The following MROH1 variants were observed in gnomAD, a reference collection of about 807,000 sequenced individuals.
MROH1 encodes maestro heat-like repeat-containing protein family member 1.
MROH1 carries 117 observed loss-of-function variants against 116.5 expected under a neutral mutation model. That is an observed-to-expected ratio of 1.00 (90% CI 0.86 to 1.17). The LOEUF (loss-of-function observed/expected upper bound fraction) is 1.17. MROH1 is among the 50% of genes most tolerant of loss of function. MROH1 has a pLI of 0.00. For synonymous variants in MROH1, 921 were observed against 583.9 expected (o/e 1.58, Z -8.32); for missense variants, 1,873 against 1,338.5 (o/e 1.40, Z -6.23).
intron 14 of MROH1, among the ~76,000 whole-genome samples, chr8:144,226,144 A>C (rs1588328691): frequency 6.6e-6 from 1 of 150,850 alleles, no homozygotes; most frequent in African/African-American, 2.4e-5. Flanking sequence ...CAAACTCCTG[A>C]CCTCAGGTGA....
chr8:144,241,156 G>C, intron 21 of MROH1, 45 bp downstream of exon 21: 2 of 721,626 alleles, frequency 2.8e-6, no homozygotes, highest in Non-Finnish European at 5.1e-6. Flanking sequence ...CCCAGGGCTG[G>C]AGGACGGTGG....
chr8:144,244,500 G>A lies in MROH1; in HGVS notation c.2727G>A (p.Gln909=), dbSNP rs1841548846. 2 of 774,208 alleles carry A rather than the reference G, an allele frequency of 2.6e-6. No homozygotes were observed. Among genetic ancestry groups the A allele is most frequent in the Non-Finnish European group, 4.8e-6 (2 of 415,020 alleles). The allele number at this position is 774,208 out of a possible 1,614,324, so 48.0% of individuals were successfully genotyped here. Residue 909 remains glutamine, a synonymous_variant, in exon 28 of 44, where the codon CAG becomes CAA. Coordinates refer to ENST00000326134, the MANE Select transcript of MROH1 (RefSeq NM_032450.3). ...ALEDLLTSLL[Q]RNMTPQGLQI... ...AGGATCTGCTGACGAGCCTCCTGCA[G>A]CGGAACATGACCCCCCAAGGCCTGC...
intron 1 of MROH1, among the ~76,000 whole-genome samples, chr8:144,149,321 T>G (rs1336464741): frequency 6.6e-6 from 1 of 151,932 alleles, no homozygotes; most frequent in Non-Finnish European, 1.5e-5. Flanking sequence ...GATGTCAGAG[T>G]GGAATGACCT....
chr8:144,153,522 C>G (rs1204883190), intron 1 of MROH1, among the ~76,000 whole-genome samples: 2 of 152,110 alleles, frequency 1.3e-5, no homozygotes, highest in African/African-American at 2.4e-5. Flanking sequence ...GAATAATACT[C>G]CATTGTGATA....
chr8:144,180,630 A>AG lies in MROH1; in HGVS notation c.562+113dup, dbSNP rs766074437. The AG allele has an allele frequency of 4.4e-5, 47 of 1,056,610 alleles. No homozygotes were observed. The highest frequency in any genetic ancestry group is 5.9e-5 in the Non-Finnish European group (44 of 750,054). The allele number at this position is 1,056,610 out of a possible 1,614,324, so 65.5% of individuals were successfully genotyped here. The stretch of plus-strand genomic sequence containing the variant: ...CAGGTGGGCACTTTAGGCTGCAGGA[A>AG]GGGGGGCTGTTGGAGGGAGGGGCCC... On this transcript the variant is annotated intron_variant, in intron 7 of 43. Coordinates refer to ENST00000326134, the MANE Select transcript of MROH1 (RefSeq NM_032450.3). This position sits in a 1 kb window ranked among gnomAD's most constrained non-coding sequence, Gnocchi z 7.4.
intron 29 of MROH1, among the ~76,000 whole-genome samples, 160 bp downstream of exon 29, chr8:144,245,420 A>G (rs898176800): frequency 2.0e-5 from 3 of 152,256 alleles, no homozygotes; most frequent in Admixed American, 6.5e-5. Context: ...AGGAGTTGTC[A>G]GGGATGGCTG....
Position 144,238,778 on chromosome 8 carries a change from G to A in MROH1, c.1361G>A (p.Ser454Asn). ...CAGCCTGAGAAGCCAGGCCCCGGCAGCAAGGACCCCAAGGCCGACAGCGTG... is the reference window on the plus strand; with the variant it reads ...CAGCCTGAGAAGCCAGGCCCCGGCAACAAGGACCCCAAGGCCGACAGCGTG... Reference protein sequence around the residue: ...EQEPEKPGPGSKDPKADSVRA... With the variant: ...EQEPEKPGPGNKDPKADSVRA... Residue 454 changes from serine (S) to asparagine (N), a missense_variant, in exon 15 of 44, where the codon AGC (serine) becomes AAC (asparagine). By Grantham distance (46) the Ser-to-Asn change is conservative. Transcript: ENST00000326134. 1 of 773,722 alleles carries A rather than the reference G, an allele frequency of 1.3e-6. No homozygotes were observed. Among genetic ancestry groups the A allele is most frequent in the Non-Finnish European group, 2.4e-6 (1 of 417,690 alleles). The allele number at this position is 773,722 out of a possible 1,614,324, so 47.9% of individuals were successfully genotyped here.
chr8:144,194,161 T>C (rs796620068), intron 10 of MROH1, among the ~76,000 whole-genome samples: 1 of 152,172 alleles, frequency 6.6e-6, no homozygotes, highest in African/African-American at 2.4e-5. Flanking sequence ...CTCCTGGGTT[T>C]AAGCAATTCT....
chr8:144,250,413 TC>T, intron 33 of MROH1, 47 bp downstream of exon 33: 1 of 726,928 alleles, frequency 1.4e-6, no homozygotes. Flanking sequence ...GGAATGATGC[TC>T]CCCCTGGAAT....
At chr8:144,174,757 A>T (rs866920235) in intron 4 of MROH1, 1 of 864,240 alleles carries the variant, frequency 1.2e-6, no homozygotes, top group Middle Eastern at 6.0e-4. Context: ...TGCTGGGGTT[A>T]CAGGTGTGAG....
intron 16 of MROH1, 48 bp downstream of exon 16, chr8:144,239,227 C>T (rs1416897031): frequency 1.3e-6 from 1 of 759,808 alleles, no homozygotes; most frequent in Non-Finnish European, 2.4e-6. Flanking sequence ...CCCCACTTCC[C>T]CACTCCTGCC....
chr8:144,175,094 C>T, intron 4 of MROH1: 3 of 985,432 alleles, frequency 3.0e-6, no homozygotes, highest in Non-Finnish European at 3.6e-6. Flanking sequence ...GATGTGTTTC[C>T]AAGATCAAGA....
intron 12 of MROH1, among the ~76,000 whole-genome samples, chr8:144,215,067 G>A (rs1337822822): frequency 2.0e-5 from 3 of 152,102 alleles, no homozygotes; most frequent in African/African-American, 7.2e-5. Context: ...TTGAGGATGG[G>A]TCTGCCTTTC....
At position 144,239,733 on chromosome 8, in the gene MROH1, G is replaced by A. The variant is rs1840647870; in HGVS notation, c.1752G>A (p.Pro584=). ...GTCAGCATTGGGAAACGACTGTCCC[G>A]CTGCTGCTGGGGTACCTGGATGGTG... ...LLGQHWETTV[P]LLLGYLDEHT... Residue 584 remains proline, a synonymous_variant, in exon 18 of 44, where the codon CCG becomes CCA. Coordinates refer to ENST00000326134, the MANE Select transcript of MROH1 (RefSeq NM_032450.3). 8 of 718,780 alleles carry A rather than the reference G, an allele frequency of 1.1e-5. No individual in the cohort carries two copies. The highest frequency in any genetic ancestry group is 2.7e-5 in the East Asian group (1 of 37,404). The allele number at this position is 718,780 out of a possible 1,614,324, so 44.5% of individuals were successfully genotyped here. A position where few individuals can be genotyped will look rare whatever the true frequency, so the allele number is the denominator to read the frequency against.
At chr8:144,159,017 A>G (rs1387247529) in intron 1 of MROH1, among the ~76,000 whole-genome samples, 1 of 152,152 alleles carries the variant, frequency 6.6e-6, no homozygotes, top group Non-Finnish European at 1.5e-5. Flanking sequence ...CCAAGATTAC[A>G]GGTATGAGCC....
chr8:144,255,068 G>A (rs1197391362), intron 34 of MROH1, 90 bp downstream of exon 34: 33 of 652,956 alleles, frequency 5.1e-5, no homozygotes, highest in Admixed American at 1.4e-4. Flanking sequence ...GAGGTGGCCC[G>A]GACGCCACCC....
rs1034260613 is a variant in MROH1 at position 144,259,312 on chromosome 8, G to A, written c.4002G>A (p.Ala1334=). The A allele has an allele frequency of 4.3e-5, 31 of 715,122 alleles. No individual in the cohort carries two copies. The highest frequency in any genetic ancestry group is 6.5e-5 in the Non-Finnish European group (25 of 384,882). 44.3% of individuals were successfully genotyped at this position (715,122 alleles called of 1,614,324 possible). The change falls in exon 37 of 44, where the codon GCG becomes GCA. Residue 1334 remains alanine (A), a synonymous_variant. Coordinates refer to ENST00000326134, the MANE Select transcript of MROH1 (RefSeq NM_032450.3). ...CGCTGGCATGCACACACAGCAGTGC[G>A]TATGAGAACCAGAGGGTGACCACCA... ...LKTLACTHSS[A]YENQRVTTTA...
At chr8:144,172,356 C>T (rs527971652) in intron 4 of MROH1, among the ~76,000 whole-genome samples, 2 of 152,104 alleles carry the variant, frequency 1.3e-5, no homozygotes, top group African/African-American at 4.8e-5. Context: ...CCCTTTAATT[C>T]AGGCGTTTCT....
At chr8:144,223,591 CAG>C (rs1203801703) in intron 14 of MROH1, among the ~76,000 whole-genome samples, 1 of 152,128 alleles carries the variant, frequency 6.6e-6, no homozygotes, top group African/African-American at 2.4e-5. Flanking sequence ...TCCCAGGACT[CAG>C]AACGCAGAAG....
Sources: allele counts gnomAD v4.1 joint callset (sites outside exome capture counted in the v4.1 genomes callset), GRCh38; gene constraint gnomAD v4.1.1; non-coding constraint Gnocchi (gnomAD v3.1); transcripts MANE v1.5; gene names NCBI Gene and HGNC (gene_info 2026-07-23, HGNC 2026-07-21).